Variants in KIRREL2 observed in about 807,000 individuals in gnomAD.
KIRREL2 encodes the protein kirre like nephrin family adhesion molecule 2.
In KIRREL2, 56 loss-of-function variants were observed where a neutral mutation model predicts 73.4. The ratio of observed to expected loss-of-function variants is 0.76; its 90% CI spans 0.62 to 0.95. The LOEUF (loss-of-function observed/expected upper bound fraction) is 0.95, where lower values mean the gene tolerates loss of function less well. Ranked by LOEUF, KIRREL2 falls within the 40% of genes least tolerant of loss-of-function variation. KIRREL2 has a pLI of 0.00. For missense variants in KIRREL2, 896 were observed against 935.0 expected (o/e 0.96, Z 0.54); for synonymous variants, 407 against 404.0 (o/e 1.01, Z -0.09).
chr19:35,862,841 T>G (rs1274670638), intron 12 of KIRREL2, 86 bp from the exon 13 acceptor site: 1 of 829,714 alleles, frequency 1.2e-6, no homozygotes, highest in East Asian at 2.7e-5. Context: ...GCCTCATTGG[T>G]TCCCAGTCCT....
chr19:35,866,110 C>T (rs377355012), intron 14 of KIRREL2, 47 bp from the exon 15 acceptor site: 34 of 1,564,136 alleles, frequency 2.2e-5, no homozygotes, highest in Non-Finnish European at 2.8e-5. Context: ...GACCCTCATC[C>T]CCCCTGCACG....
intron 12 of KIRREL2, 116 bp downstream of exon 12, chr19:35,862,713 C>T (rs1291456818): frequency 2.5e-6 from 2 of 808,590 alleles, no homozygotes; most frequent in African/African-American, 1.7e-5. Context: ...CAGCTCTGCA[C>T]AGGGCTTAGC....
chr19:35,860,439 G>A (rs1973614377), intron 6 of KIRREL2, 37 bp downstream of exon 6: 1 of 1,607,726 alleles, frequency 6.2e-7, no homozygotes, highest in South Asian at 1.1e-5. Context: ...AGCCCCAAGA[G>A]TGAGCTTGGG....
At chr19:35,855,734 C>T (rs1188662928), upstream of KIRREL2, 1 of 152,168 alleles carries the variant, frequency 6.6e-6, no homozygotes, top group African/African-American at 2.4e-5. Context: ...GACAGATGTT[C>T]ACGGTCTGAT....
At chr19:35,859,945 T>C (rs1486093130) in intron 5 of KIRREL2, among the ~76,000 whole-genome samples, 1 of 152,096 alleles carries the variant, frequency 6.6e-6, no homozygotes, top group East Asian at 1.9e-4. Context: ...CCTGGGAGGC[T>C]GAGGCAGGAG....
Position 35,866,508 on chromosome 19 carries a change from A to C in KIRREL2, c.*16A>C. ...TCACGTGTGACATCTTTCCAATGGA[A>C]GAGTCCTGGGATCTCCAACTTGCCA... On this transcript the variant is annotated 3_prime_UTR_variant, in exon 15 of 15. Coordinates refer to ENST00000360202, the MANE Select transcript of KIRREL2 (RefSeq NM_199180.4). 6.2e-7 allele frequency: 1 copy of C among 1,613,896 alleles called. No individual in the cohort carries two copies. Among genetic ancestry groups the C allele is most frequent in the East Asian group, 2.2e-5 (1 of 44,876 alleles).
intron 2 of KIRREL2, 127 bp downstream of exon 2, chr19:35,857,621 G>C: frequency 9.9e-7 from 1 of 1,011,438 alleles, no homozygotes; most frequent in Non-Finnish European, 1.4e-6. Context: ...TAAACATTTA[G>C]GAGTCCTGAT....
intron 12 of KIRREL2, 52 bp downstream of exon 12, chr19:35,862,649 C>A: frequency 7.3e-7 from 1 of 1,366,668 alleles, no homozygotes; most frequent in South Asian, 1.2e-5. Context: ...CCACACGCGC[C>A]CTGCCTGCCC....
At chr19:35,862,115 C>T (rs1056166826) in intron 11 of KIRREL2, 91 bp downstream of exon 11, 7 of 1,120,022 alleles carry the variant, frequency 6.2e-6, no homozygotes, top group Non-Finnish European at 8.9e-6. Flanking sequence ...AACCTCATAC[C>T]CTCAAATGCA....
chr19:35,861,701 GC>G (rs925619913), intron 10 of KIRREL2, 60 bp downstream of exon 10: 4 of 1,588,628 alleles, frequency 2.5e-6, no homozygotes, highest in African/African-American at 2.7e-5. Context: ...CTCCCACCTG[GC>G]CCCCCGAAAC....
intron 2 of KIRREL2, among the ~76,000 whole-genome samples, chr19:35,858,137 GC>G (rs1973509720): frequency 6.6e-6 from 1 of 151,592 alleles, no homozygotes; most frequent in Non-Finnish European, 1.5e-5. Context: ...CCCTATCATA[GC>G]CCCCTCCCCC....
In KIRREL2 at chr19:35,857,102, G is replaced by A. The variant is rs1338364799; in HGVS notation, c.-18G>A. On this transcript the variant is annotated 5_prime_UTR_variant, in exon 1 of 15. In the 5' UTR this introduces an upstream ATG that the reference lacks. Transcript: ENST00000360202. ...GAAGGCCAGTGCGACGGCAAATCTC[G>A]TGAACCTTGGGGGACGAATGCTCAG... The A allele has an allele frequency of 6.2e-7, 1 of 1,613,800 alleles. No individual in the cohort carries two copies. The highest frequency in any genetic ancestry group is 1.7e-5 in the Admixed American group (1 of 60,018).
rs766218677 is a variant in KIRREL2 at position 35,866,365 on chromosome 19, C to G, written c.2000C>G (p.Pro667Arg). 18 of 1,613,588 alleles carry G rather than the reference C, an allele frequency of 1.1e-5. No individual in the cohort carries two copies. The highest frequency in any genetic ancestry group is 1.4e-5 in the Non-Finnish European group (17 of 1,179,586). Residue 667 changes from proline (P) to arginine (R), a missense_variant, in exon 15 of 15, where the codon CCT becomes CGT. Coordinates refer to ENST00000360202, the MANE Select transcript of KIRREL2 (RefSeq NM_199180.4). ...ARAGYLTTPH[P>R]RAFTSYIKPT... The stretch of plus-strand genomic sequence containing the variant: ...GCAGGCTATCTCACCACACCCCACC[C>G]TCGAGCTTTCACCAGCTACATCAAA...
rs552392585 is a variant in KIRREL2 at position 35,866,547 on chromosome 19, T to C, written c.*55T>C. The C allele has an allele frequency of 6.2e-7, 1 of 1,610,458 alleles. No individual in the cohort carries two copies. The highest frequency in any genetic ancestry group is 2.2e-5 in the East Asian group (1 of 44,866). ...TCCAACTTGCCATAATGGATTGTTCTGATTTCTGAGGAGCCAGGACAAGTT... is the reference window on the plus strand; with the variant it reads ...TCCAACTTGCCATAATGGATTGTTCCGATTTCTGAGGAGCCAGGACAAGTT... On this transcript the variant is annotated 3_prime_UTR_variant, in exon 15 of 15. Transcript: ENST00000360202.
rs186408569 is a variant in KIRREL2, at chr19:35,864,795, G to A, written c.1791+82G>A. ...CATTGTGTTTCCGTCTCTCTCCCAC[G>A]CCTGTCCCCTCCTTTTTCCTTCTGT... is the stretch of plus-strand genomic sequence containing the variant. On this transcript the variant is annotated intron_variant, in intron 14 of 14. Coordinates refer to ENST00000360202, the MANE Select transcript of KIRREL2 (RefSeq NM_199180.4). 39 of 1,070,464 alleles carry A rather than the reference G, an allele frequency of 3.6e-5. No individual in the cohort carries two copies. The East Asian group carries it at 3.9e-4, about 11-fold the overall frequency. The allele number at this position is 1,070,464 out of a possible 1,614,324, so 66.3% of individuals were successfully genotyped here. A position where few individuals can be genotyped will look rare whatever the true frequency, so the allele number is the denominator to read the frequency against.
At chr19:35,852,935 C>G (rs554180650), upstream of KIRREL2, among the ~76,000 whole-genome samples, 2 of 152,264 alleles carry the variant, frequency 1.3e-5, no homozygotes, top group South Asian at 2.1e-4. Flanking sequence ...GCTGGTGCTA[C>G]AGGTATATAG....
In KIRREL2 at chr19:35,866,200, GC is replaced by G; in HGVS notation, c.1837del (p.Leu613Ter). The G allele has an allele frequency of 6.2e-7, 1 of 1,613,174 alleles. No homozygotes were observed. Among genetic ancestry groups the G allele is most frequent in the South Asian group, 1.1e-5 (1 of 91,032 alleles). On this transcript the variant is annotated frameshift_variant, in exon 15 of 15. Transcript: ENST00000360202. LOFTEE classifies it high-confidence loss of function. ...TACAAGGTCCGAGGAGTCAGTGTGA[GC>G]CTGAGCCTTGGCGAAGCCCCTGGAG... is the stretch of plus-strand genomic sequence containing the variant. ...GYYKVRGVSV[S>X]LSLGEAPGGG...
intron 6 of KIRREL2, 29 bp from the exon 7 acceptor site, chr19:35,860,490 C>T (rs199960368): frequency 9.0e-5 from 144 of 1,602,474 alleles, no homozygotes; most frequent in Non-Finnish European, 1.4e-5. Context: ...GAGGCCAGGA[C>T]AACGTTAACA....
At chr19:35,860,127 T>C (rs1973598399) in intron 5 of KIRREL2, among the ~76,000 whole-genome samples, 170 bp from the exon 6 acceptor site, 1 of 151,996 alleles carries the variant, frequency 6.6e-6, no homozygotes, top group Non-Finnish European at 1.5e-5. Flanking sequence ...GGCTGGCACA[T>C]TGAGGTAACT....
Sources: allele counts gnomAD v4.1 joint callset (sites outside exome capture counted in the v4.1 genomes callset), GRCh38; gene constraint gnomAD v4.1.1; transcripts MANE v1.5; gene names NCBI Gene and HGNC (gene_info 2026-07-23, HGNC 2026-07-21).